Variants in ANAPC16 observed in about 807,000 individuals in gnomAD.
ANAPC16 encodes anaphase-promoting complex subunit 16.
Under a neutral mutation model 13.1 loss-of-function variants are expected in ANAPC16, and 6 were observed. The observed-to-expected ratio is 0.46, with a 90% confidence interval of 0.25 to 0.90. The LOEUF (loss-of-function observed/expected upper bound fraction) is 0.90, where lower values mean the gene tolerates loss of function less well. Among genes scored for constraint, ANAPC16 ranks in the 40% least tolerant of loss-of-function variants. The pLI is 0.18. For missense variants in ANAPC16, 113 were observed against 131.1 expected (o/e 0.86, Z 0.67); for synonymous variants, 55 against 51.3 (o/e 1.07, Z -0.31).
chr10:72,232,186 CA>C (rs1194817055), intron 3 of ANAPC16, among the ~76,000 whole-genome samples: 4,071 of 43,836 alleles, frequency 0.093, 238 homozygotes, highest in African/African-American at 0.2. Flanking sequence ...AACTCTGTCT[CA>C]AAAAAAAAAA....
rs1246709913 is a variant in ANAPC16, at chr10:72,233,525, A to G, written c.*409A>G. The G allele has an allele frequency of 1.3e-5, 2 of 159,740 alleles. No individual in the cohort carries two copies. The highest frequency in any genetic ancestry group is 2.4e-5 in the African/African-American group (1 of 41,682). The allele number at this position is 159,740 out of a possible 1,614,324, so 9.9% of individuals were successfully genotyped here. The stretch of plus-strand genomic sequence containing the variant: ...CAGCATCTGTGGTTAAAAATATAGC[A>G]TTCTGACCTAAAAAAGTTATTTTGC... On this transcript the variant is annotated 3_prime_UTR_variant, in exon 4 of 4. Transcript: ENST00000299381.
chr10:72,229,309 A>G (rs1451707958), intron 2 of ANAPC16, among the ~76,000 whole-genome samples: 2 of 144,748 alleles, frequency 1.4e-5, no homozygotes, highest in Non-Finnish European at 3.0e-5. Context: ...CTTTGGATAC[A>G]GTATCTATAG....
At chr10:72,219,289 AT>A (rs1477456082) in intron 1 of ANAPC16, among the ~76,000 whole-genome samples, 1 of 152,224 alleles carries the variant, frequency 6.6e-6, no homozygotes, top group African/African-American at 2.4e-5. Context: ...TTCAAAAACA[AT>A]TCAAAAACTT....
rs554889725 is a variant in ANAPC16 at position 72,232,072 on chromosome 10, G to C, written c.218-929G>C. On this transcript the variant is annotated intron_variant, in intron 3 of 3. Transcript: ENST00000299381. Reference sequence around the variant, plus strand: ...ATGGTGGCATATGCCTGTAATTCCAGCTACTCGGGAGGCTGAGGCAGCAGA... The same window carrying C: ...ATGGTGGCATATGCCTGTAATTCCACCTACTCGGGAGGCTGAGGCAGCAGA... Among the ~76,000 whole-genome samples, 23 of 150,582 alleles carry C rather than the reference G, an allele frequency of 1.5e-4. No individual in the cohort carries two copies. The South Asian group carries it at 2.1e-3, about 14-fold the overall frequency.
At chr10:72,218,065 G>A (rs1355726492) in intron 1 of ANAPC16, among the ~76,000 whole-genome samples, 1 of 148,654 alleles carries the variant, frequency 6.7e-6, no homozygotes, top group African/African-American at 2.5e-5. Flanking sequence ...AAAAGATCCC[G>A]GAGGGGGAGG....
At chr10:72,228,215 T>G (rs910993305) in intron 2 of ANAPC16, among the ~76,000 whole-genome samples, 1 of 152,190 alleles carries the variant, frequency 6.6e-6, no homozygotes, top group Non-Finnish European at 1.5e-5. Context: ...GTGAATTAAC[T>G]TTTTTGTGCC....
At chr10:72,226,199 A>C (rs961256349) in intron 2 of ANAPC16, among the ~76,000 whole-genome samples, 4 of 151,322 alleles carry the variant, frequency 2.6e-5, no homozygotes, top group African/African-American at 9.7e-5. Context: ...TAATATTTTT[A>C]ATAGAGGCAG....
intron 2 of ANAPC16, among the ~76,000 whole-genome samples, chr10:72,227,183 G>A (rs1860148102): frequency 6.6e-6 from 1 of 152,094 alleles, no homozygotes. Flanking sequence ...GCTATAAGAG[G>A]AATTTAATAC....
chr10:72,219,418 G>A (rs1209504172), intron 1 of ANAPC16, among the ~76,000 whole-genome samples: 1 of 152,166 alleles, frequency 6.6e-6, no homozygotes, highest in East Asian at 1.9e-4. Flanking sequence ...TCAGAGAAAA[G>A]AGGAAGAGTG....
chr10:72,218,442 CA>C (rs1239197078), intron 1 of ANAPC16, among the ~76,000 whole-genome samples: 1 of 151,878 alleles, frequency 6.6e-6, no homozygotes, highest in Non-Finnish European at 1.5e-5. Flanking sequence ...TTGCACATGA[CA>C]AATAACATAC....
chr10:72,234,744 C>G lies in ANAPC16; in HGVS notation c.*1628C>G, dbSNP rs1860423272. On this transcript the variant is annotated 3_prime_UTR_variant, in exon 4 of 4. Coordinates refer to ENST00000299381, the MANE Select transcript of ANAPC16 (RefSeq NM_173473.4). ...TGACCTCATTCAGTCGGTTAAGAGC[C>G]TGAGCCCTGTGAAGTTAAACACCTG... 1 of 152,180 alleles carries G rather than the reference C, an allele frequency of 6.6e-6. No individual in the cohort carries two copies. The highest frequency in any genetic ancestry group is 2.1e-4 in the South Asian group (1 of 4,830). 9.4% of individuals were successfully genotyped at this position (152,180 alleles called of 1,614,324 possible). A position where few individuals can be genotyped will look rare whatever the true frequency, so the allele number is the denominator to read the frequency against.
Position 72,233,339 on chromosome 10 carries a change from A to T in ANAPC16, c.*223A>T. 2.1e-6 allele frequency: 1 copy of T among 466,904 alleles called. No individual in the cohort carries two copies. The highest frequency in any genetic ancestry group is 3.9e-6 in the Non-Finnish European group (1 of 257,990). The allele number at this position is 466,904 out of a possible 1,614,324, so 28.9% of individuals were successfully genotyped here. On this transcript the variant is annotated 3_prime_UTR_variant, in exon 4 of 4. Coordinates refer to ENST00000299381, the MANE Select transcript of ANAPC16 (RefSeq NM_173473.4). ...TGTTTTTAAAAGTATTGGGAATCAG[A>T]TTAAGACAATCAGTTTCAGAGAACC...
At chr10:72,222,810 A>G (rs1410478372) in intron 1 of ANAPC16, among the ~76,000 whole-genome samples, 2 of 152,220 alleles carry the variant, frequency 1.3e-5, no homozygotes, top group East Asian at 1.9e-4. Flanking sequence ...AGAAAATACC[A>G]TATACACTTT....
chr10:72,225,798 G>C (rs533848517), intron 2 of ANAPC16, among the ~76,000 whole-genome samples: 3 of 151,764 alleles, frequency 2.0e-5, no homozygotes, highest in African/African-American at 7.2e-5. Context: ...CTACTCAGGA[G>C]GCTGAGGCAG....
intron 2 of ANAPC16, among the ~76,000 whole-genome samples, chr10:72,228,811 C>T (rs540549981): frequency 5.3e-5 from 8 of 152,190 alleles, no homozygotes; most frequent in Non-Finnish European, 1.2e-4. Flanking sequence ...AGCTTATATC[C>T]TTTTGCTTTG....
At chr10:72,231,184 C>G (rs749336382) in intron 3 of ANAPC16, among the ~76,000 whole-genome samples, 5 of 152,154 alleles carry the variant, frequency 3.3e-5, no homozygotes, top group Non-Finnish European at 4.4e-5. Context: ...TTGCCTCTAA[C>G]CCTAGGATTT....
rs760370875 is a variant in ANAPC16, at chr10:72,235,719, A to T, written c.*2603A>T. The stretch of plus-strand genomic sequence containing the variant: ...CCTTTCTCGTTTCATTTGTGTAACC[A>T]TGCAGCATAGGCACTGTGTTACATC... On this transcript the variant is annotated 3_prime_UTR_variant, in exon 4 of 4. Transcript: ENST00000299381. 1 of 152,244 alleles carries T rather than the reference A, an allele frequency of 6.6e-6. No homozygotes were observed. Among genetic ancestry groups the T allele is most frequent in the Non-Finnish European group, 1.5e-5 (1 of 68,032 alleles). The allele number at this position is 152,244 out of a possible 1,614,324, so 9.4% of individuals were successfully genotyped here. A position where few individuals can be genotyped will look rare whatever the true frequency, so the allele number is the denominator to read the frequency against.
chr10:72,225,152 C>T (rs1267487034), intron 2 of ANAPC16, among the ~76,000 whole-genome samples: 2 of 151,870 alleles, frequency 1.3e-5, no homozygotes, highest in South Asian at 2.1e-4. Context: ...GGCATGGTGG[C>T]GATGTCTGTA....
In ANAPC16 at chr10:72,235,310, G is replaced by A. The variant is rs1047108086; in HGVS notation, c.*2194G>A. 6.7e-6 allele frequency: 1 copy of A among 150,318 alleles called. No individual in the cohort carries two copies. The highest frequency in any genetic ancestry group is 1.5e-5 in the Non-Finnish European group (1 of 67,680). 9.3% of individuals were successfully genotyped at this position (150,318 alleles called of 1,614,324 possible). ...CTAAAACTACAAAAAAAATTAGCCA[G>A]GCGTGGTGGCGGGCGCCTGTAATCC... is the stretch of plus-strand genomic sequence containing the variant. On this transcript the variant is annotated 3_prime_UTR_variant, in exon 4 of 4. Coordinates refer to ENST00000299381, the MANE Select transcript of ANAPC16 (RefSeq NM_173473.4).
Sources: gnomAD v4.1 joint callset for allele counts (sites outside exome capture counted in the v4.1 genomes callset) on GRCh38, gnomAD v4.1.1 for gene constraint, MANE v1.5 for transcripts, NCBI Gene and HGNC (gene_info 2026-07-23, HGNC 2026-07-21) for gene names.